Variants in ANGEL1 observed in about 807,000 individuals in gnomAD.
ANGEL1 encodes the protein angel homolog 1, also known as RNA 2',3'-cyclic phosphatase ANGEL1.
In ANGEL1, 62 loss-of-function variants were observed where a neutral mutation model predicts 76.4. That is an observed-to-expected ratio of 0.81 (90% CI 0.66 to 1.00). The LOEUF is 1.00. ANGEL1 is among the 50% of genes least tolerant of loss of function. The pLI is 0.00. For missense variants in ANGEL1, 737 were observed against 836.7 expected (o/e 0.88, Z 1.47); for synonymous variants, 340 against 331.7 (o/e 1.03, Z -0.27).
intron 7 of ANGEL1, among the ~76,000 whole-genome samples, chr14:76,792,223 G>A (rs1006871376): frequency 6.6e-6 from 1 of 152,074 alleles, no homozygotes; most frequent in Non-Finnish European, 1.5e-5. Context: ...CTGAAAATCT[G>A]AATAGGCCTA....
chr14:76,800,997 A>T (rs1194876992), intron 7 of ANGEL1, among the ~76,000 whole-genome samples: 1 of 152,082 alleles, frequency 6.6e-6, no homozygotes, highest in Non-Finnish European at 1.5e-5. Context: ...GTCTGAGGTC[A>T]ACCTCATCAC....
chr14:76,808,318 T>C (rs1003916521), intron 2 of ANGEL1, among the ~76,000 whole-genome samples, 170 bp from the exon 3 acceptor site: 1 of 152,210 alleles, frequency 6.6e-6, no homozygotes, highest in East Asian at 1.9e-4. Context: ...TCAGATGACA[T>C]GGTTAGCTCC....
At chr14:76,790,908 A>G in intron 8 of ANGEL1, 134 bp from the exon 9 acceptor site, 1 of 1,285,072 alleles carries the variant, frequency 7.8e-7, no homozygotes, top group Non-Finnish European at 1.0e-6. Flanking sequence ...ATTCCTCCCC[A>G]TGCTAAGAAG....
intron 1 of ANGEL1, among the ~76,000 whole-genome samples, chr14:76,809,867 T>A (rs1895034074): frequency 6.6e-6 from 1 of 152,248 alleles, no homozygotes; most frequent in Non-Finnish European, 1.5e-5. Context: ...GACTAATTTA[T>A]ATGGCAGGGA....
intron 5 of ANGEL1, among the ~76,000 whole-genome samples, chr14:76,805,710 G>A (rs1351618627): frequency 6.6e-6 from 1 of 152,190 alleles, no homozygotes; most frequent in Admixed American, 6.5e-5. Context: ...AGTGTATCAT[G>A]TTTATAAAAC....
Position 76,787,440 on chromosome 14 carries a change from C to T in ANGEL1, c.*1788G>A, listed in dbSNP as rs1894285832. 6.6e-6 allele frequency: 1 copy of T among 152,512 alleles called. No individual in the cohort carries two copies. The highest frequency in any genetic ancestry group is 2.4e-5 in the African/African-American group (1 of 41,430). The allele number at this position is 152,512 out of a possible 1,614,324, so 9.4% of individuals were successfully genotyped here. Reference sequence around the variant, plus strand: ...AGTGATGGGCCCTAGTCCTAGGAACCCACAGGGCACTGTCTTGAGACCCTT... The same window carrying T: ...AGTGATGGGCCCTAGTCCTAGGAACTCACAGGGCACTGTCTTGAGACCCTT... On this transcript the variant is annotated 3_prime_UTR_variant, in exon 10 of 10. Transcript: ENST00000251089.
intron 6 of ANGEL1, 103 bp from the exon 7 acceptor site, chr14:76,803,584 C>A: frequency 1.5e-6 from 2 of 1,357,948 alleles, no homozygotes; most frequent in South Asian, 2.6e-5. Flanking sequence ...ACAGAGGAAG[C>A]ATTCAGAAGA....
Position 76,812,878 on chromosome 14 carries a change from C to A in ANGEL1, c.-51G>T. 1 of 1,466,952 alleles carries A rather than the reference C, an allele frequency of 6.8e-7. No individual in the cohort carries two copies. Among genetic ancestry groups the A allele is most frequent in the Non-Finnish European group, 9.0e-7 (1 of 1,110,532 alleles). 90.9% of individuals were successfully genotyped at this position (1,466,952 alleles called of 1,614,324 possible). On this transcript the variant is annotated 5_prime_UTR_variant, in exon 1 of 10. Transcript: ENST00000251089. ...CTCCTCACTGCAGCCAGCAGGTCCT[C>A]CCTCAGCTCGGCCCCGCCCCCGGCC...
Position 76,786,975 on chromosome 14 carries a change from C to T in ANGEL1, c.*2253G>A, listed in dbSNP as rs1894276591. The T allele has an allele frequency of 6.6e-6, 1 of 152,268 alleles. No individual in the cohort carries two copies. The highest frequency in any genetic ancestry group is 2.4e-5 in the African/African-American group (1 of 41,440). The allele number at this position is 152,268 out of a possible 1,614,324, so 9.4% of individuals were successfully genotyped here. On this transcript the variant is annotated 3_prime_UTR_variant, in exon 10 of 10. Coordinates refer to ENST00000251089, the MANE Select transcript of ANGEL1 (RefSeq NM_015305.4). Reference sequence around the variant, plus strand: ...AAAGCAGTCCAAAGAATCATTCTCTCACTTGGGAAGGACAGAAGAAAGCTG... The same window carrying T: ...AAAGCAGTCCAAAGAATCATTCTCTTACTTGGGAAGGACAGAAGAAAGCTG...
intron 7 of ANGEL1, among the ~76,000 whole-genome samples, chr14:76,793,059 C>A (rs1424827020): frequency 6.6e-6 from 1 of 151,732 alleles, no homozygotes; most frequent in African/African-American, 2.4e-5. Context: ...GGTACACGAT[C>A]AATACACAAA....
rs747825339 is a variant in ANGEL1 at position 76,809,086 on chromosome 14, G to C, written c.622C>G (p.Pro208Ala). ...TGATATGGTATTTCCACTGCGGGAG[G>C]CTGCAACTGCCCCAGGCCCTCAAAG... is the stretch of plus-strand genomic sequence containing the variant. ...WPFEGLGQLQ[P>A]PAVEIPYHEI... Residue 208 changes from proline to alanine, a missense_variant, in exon 2 of 10, where the codon CCT becomes GCT. This residue lies in a region of ANGEL1 where 441 missense variants were observed against 449.5 expected (regional missense o/e 0.98). Transcript: ENST00000251089. 3.1e-6 allele frequency: 5 copies of C among 1,613,510 alleles called. No individual in the cohort carries two copies. The highest frequency in any genetic ancestry group is 3.4e-6 in the Non-Finnish European group (4 of 1,179,686).
rs1266184575 is a variant in ANGEL1 at position 76,812,861 on chromosome 14, T to C, written c.-34A>G. The C allele has an allele frequency of 8.1e-6, 12 of 1,490,160 alleles. No homozygotes were observed. In the South Asian group the frequency reaches 1.1e-4, roughly 14 times the overall value. 92.3% of individuals were successfully genotyped at this position (1,490,160 alleles called of 1,614,324 possible). On this transcript the variant is annotated 5_prime_UTR_variant, in exon 1 of 10. Coordinates refer to ENST00000251089, the MANE Select transcript of ANGEL1 (RefSeq NM_015305.4). Reference sequence around the variant, plus strand: ...GCCCGCGCCCGCCTCCGCTCCTCACTGCAGCCAGCAGGTCCTCCCTCAGCT... The same window carrying C: ...GCCCGCGCCCGCCTCCGCTCCTCACCGCAGCCAGCAGGTCCTCCCTCAGCT...
chr14:76,791,428 C>A, intron 7 of ANGEL1, 62 bp from the exon 8 acceptor site: 1 of 1,501,410 alleles, frequency 6.7e-7, no homozygotes. Flanking sequence ...GGATCAGAAC[C>A]TTTCACCCTA....
In ANGEL1 at chr14:76,812,828, G is replaced by C. The variant is rs959206390; in HGVS notation, c.-1C>G. 4 of 1,511,806 alleles carry C rather than the reference G, an allele frequency of 2.6e-6. No individual in the cohort carries two copies. The highest frequency in any genetic ancestry group is 1.8e-6 in the Non-Finnish European group (2 of 1,134,376). The allele number at this position is 1,511,806 out of a possible 1,614,324, so 93.6% of individuals were successfully genotyped here. A position where few individuals can be genotyped will look rare whatever the true frequency, so the allele number is the denominator to read the frequency against. On this transcript the variant is annotated 5_prime_UTR_variant, in exon 1 of 10. Transcript: ENST00000251089. ...GGTAACACAAGCACGACGCGATCAT[G>C]GCCGGCCGCCCGCGCCCGCCTCCGC...
intron 5 of ANGEL1, among the ~76,000 whole-genome samples, chr14:76,805,652 T>C (rs1406901224): frequency 2.0e-5 from 3 of 152,198 alleles, no homozygotes; most frequent in Non-Finnish European, 4.4e-5. Context: ...GAGATCCATA[T>C]GCAAATTGCT....
intron 8 of ANGEL1, 44 bp from the exon 9 acceptor site, chr14:76,790,818 A>C: frequency 6.6e-7 from 1 of 1,510,044 alleles, no homozygotes; most frequent in Middle Eastern, 1.8e-4. Flanking sequence ...AAAATTACTA[A>C]ATTTTCCCTA....
intron 7 of ANGEL1, among the ~76,000 whole-genome samples, chr14:76,801,610 T>A (rs1480561001): frequency 6.6e-6 from 1 of 152,208 alleles, no homozygotes; most frequent in Non-Finnish European, 1.5e-5. Flanking sequence ...TTCTCTCTAA[T>A]CCTTTCTAAC....
intron 7 of ANGEL1, among the ~76,000 whole-genome samples, chr14:76,799,445 C>T (rs1282800546): frequency 6.6e-6 from 1 of 151,904 alleles, no homozygotes; most frequent in African/African-American, 2.4e-5. Flanking sequence ...AGGCGCCCGC[C>T]ACCACACCTG....
At position 76,803,490 on chromosome 14, in the gene ANGEL1, C is replaced by G. The variant is rs1411870735; in HGVS notation, c.1508-9G>C. ...GCCATACTTGCGTCTCTCTGTAAAC[C>G]AGGAAAAGACATATAGTGAAAGAAA... On this transcript the variant is annotated splice_polypyrimidine_tract_variant and intron_variant, in intron 6 of 9. Transcript: ENST00000251089. 3 of 1,613,236 alleles carry G rather than the reference C, an allele frequency of 1.9e-6. No homozygotes were observed. The highest frequency in any genetic ancestry group is 1.3e-5 in the African/African-American group (1 of 74,896).
Sources: gnomAD v4.1 joint callset for allele counts (sites outside exome capture counted in the v4.1 genomes callset) on GRCh38, gnomAD v4.1.1 for gene constraint, gnomAD v4.1.1 regional missense constraint, MANE v1.5 for transcripts, NCBI Gene and HGNC (gene_info 2026-07-23, HGNC 2026-07-21) for gene names.